Variants in WDR49 observed in about 807,000 individuals in gnomAD.
WDR49 encodes the protein cilia- and flagella-associated protein 337.
A neutral mutation model predicts 119.5 loss-of-function variants in WDR49; 107 were observed. The observed-to-expected ratio is 0.90, with a 90% CI of 0.77 to 1.05. The LOEUF (loss-of-function observed/expected upper bound fraction) is 1.05. WDR49 is among the 50% of genes least tolerant of loss of function. The pLI, the probability that WDR49 is intolerant of heterozygous loss-of-function variation, is 0.00. For synonymous variants in WDR49, 425 were observed against 418.8 expected (o/e 1.01, Z -0.18); for missense variants, 1,240 against 1,220.5 (o/e 1.02, Z -0.24).
chr3:167,522,248 G>T, intron 16 of WDR49, 67 bp downstream of exon 16: 1 of 1,431,010 alleles, frequency 7.0e-7, no homozygotes, highest in Non-Finnish European at 9.3e-7. Context: ...AAGGAAATTT[G>T]GACCAATCTT....
chr3:167,576,664 G>A (rs1465902722), intron 7 of WDR49, among the ~76,000 whole-genome samples: 1 of 152,150 alleles, frequency 6.6e-6, no homozygotes, highest in Non-Finnish European at 1.5e-5. Flanking sequence ...TGGCTTTGAA[G>A]AGGGCCATGA....
intron 18 of WDR49, among the ~76,000 whole-genome samples, chr3:167,490,497 A>G (rs535808438): frequency 6.6e-6 from 1 of 152,276 alleles, no homozygotes; most frequent in Non-Finnish European, 1.5e-5. Flanking sequence ...TGTATCTACA[A>G]ATGCTTTCTT....
chr3:167,635,263 C>T (rs182318968), intron 2 of WDR49, among the ~76,000 whole-genome samples: 122 of 151,798 alleles, frequency 8.0e-4, no homozygotes, highest in Middle Eastern at 3.4e-3. Flanking sequence ...GCCAAATTCT[C>T]TTCTAAAAGG....
chr3:167,496,654 G>C (rs2108205198), intron 18 of WDR49, among the ~76,000 whole-genome samples: 1 of 152,154 alleles, frequency 6.6e-6, no homozygotes, highest in African/African-American at 2.4e-5. Context: ...TCAATGTCAA[G>C]ATCTCTGAAG....
intron 16 of WDR49, among the ~76,000 whole-genome samples, chr3:167,505,628 C>G (rs1751741086): frequency 6.6e-6 from 1 of 152,116 alleles, no homozygotes; most frequent in Non-Finnish European, 1.5e-5. Flanking sequence ...AGAGTGAGAG[C>G]CAGAGTGTCC....
At chr3:167,651,191 C>A (rs1006177154) in intron 2 of WDR49, among the ~76,000 whole-genome samples, 3 of 152,082 alleles carry the variant, frequency 2.0e-5, no homozygotes, top group Admixed American at 2.0e-4. Context: ...AGATGGACTT[C>A]ACCTAATATC....
chr3:167,536,547 G>A (rs1753032404), intron 11 of WDR49, among the ~76,000 whole-genome samples: 3 of 151,504 alleles, frequency 2.0e-5, no homozygotes, highest in Non-Finnish European at 2.9e-5. Context: ...AGGCATGGTG[G>A]GGCGTGCCTG....
intron 8 of WDR49, 97 bp downstream of exon 8, chr3:167,575,821 A>G (rs1714217793): frequency 2.4e-6 from 3 of 1,247,794 alleles, no homozygotes; most frequent in East Asian, 2.3e-5. Flanking sequence ...TGCCTTTACT[A>G]TATTTGTCTT....
chr3:167,491,514 G>A (rs1468926108), intron 18 of WDR49, among the ~76,000 whole-genome samples: 2 of 152,020 alleles, frequency 1.3e-5, no homozygotes, highest in African/African-American at 2.4e-5. Flanking sequence ...TCTTTGAGAT[G>A]TTCCTGTTTA....
At chr3:167,488,206 T>C (rs1429784243) in intron 18 of WDR49, among the ~76,000 whole-genome samples, 1 of 148,714 alleles carries the variant, frequency 6.7e-6, no homozygotes, top group Non-Finnish European at 1.5e-5. Context: ...TGGAATACTA[T>C]GCAACCATAA....
At chr3:167,624,828 G>A (rs1206509490) in intron 3 of WDR49, among the ~76,000 whole-genome samples, 7 of 152,044 alleles carry the variant, frequency 4.6e-5, no homozygotes, top group Non-Finnish European at 1.0e-4. Flanking sequence ...ATTCATACAA[G>A]TTAAATATTA....
intron 18 of WDR49, among the ~76,000 whole-genome samples, chr3:167,497,293 G>C (rs1415725073): frequency 6.6e-6 from 1 of 151,926 alleles, no homozygotes; most frequent in East Asian, 1.9e-4. Flanking sequence ...CTTGCAGAAA[G>C]GGCAAGTAAG....
At chr3:167,479,432 T>C (rs1750609803) in intron 18 of WDR49, among the ~76,000 whole-genome samples, 1 of 152,168 alleles carries the variant, frequency 6.6e-6, no homozygotes, top group East Asian at 1.9e-4. Context: ...CATAGGGGTT[T>C]GCAGTTTTAG....
chr3:167,600,902 G>A (rs1443399283), intron 7 of WDR49, among the ~76,000 whole-genome samples: 2 of 152,146 alleles, frequency 1.3e-5, no homozygotes, highest in African/African-American at 4.8e-5. Context: ...AGCGGGAAGT[G>A]AAGTGGGGCT....
chr3:167,570,322 T>C (rs1398682968), intron 8 of WDR49, among the ~76,000 whole-genome samples: 1 of 152,174 alleles, frequency 6.6e-6, no homozygotes, highest in East Asian at 1.9e-4. Flanking sequence ...TCTCCAATTT[T>C]ACAATTACCA....
chr3:167,506,860 A>AT (rs1393100414), intron 16 of WDR49, among the ~76,000 whole-genome samples: 4 of 151,898 alleles, frequency 2.6e-5, no homozygotes, highest in Non-Finnish European at 2.9e-5. Flanking sequence ...TACTTGTTGG[A>AT]TTTTTTTGGT....
intron 7 of WDR49, among the ~76,000 whole-genome samples, chr3:167,583,011 G>A (rs1714629223): frequency 1.3e-5 from 2 of 151,592 alleles, no homozygotes; most frequent in South Asian, 4.2e-4. Context: ...GAAAGAGAGA[G>A]AGAGAGAAAA....
At chr3:167,482,304 T>A (rs532065619) in intron 18 of WDR49, among the ~76,000 whole-genome samples, 3 of 152,060 alleles carry the variant, frequency 2.0e-5, no homozygotes, top group Non-Finnish European at 4.4e-5. Flanking sequence ...ATCCAAAAAC[T>A]ATAAATGGTG....
chr3:167,486,304 T>A (rs527966419), intron 18 of WDR49, among the ~76,000 whole-genome samples: 29 of 152,224 alleles, frequency 1.9e-4, no homozygotes, highest in Middle Eastern at 3.4e-3. Context: ...AAAACACACT[T>A]AAGTGCATAG....
Sources: allele counts gnomAD v4.1 joint callset (sites outside exome capture counted in the v4.1 genomes callset), GRCh38; gene constraint gnomAD v4.1.1; transcripts MANE v1.5; gene names NCBI Gene and HGNC (gene_info 2026-07-23, HGNC 2026-07-21).